AGMO: variants seen among roughly 807,000 people sequenced by gnomAD.
The protein encoded by AGMO is alkylglycerol monooxygenase, also known as glyceryl-ether monooxygenase.
A neutral mutation model predicts 60.2 loss-of-function variants in AGMO; 75 were observed. That is an observed-to-expected ratio of 1.25 (90% CI 1.03 to 1.51). AGMO has a LOEUF of 1.51. Among genes scored for constraint, AGMO ranks in the 40% most tolerant of loss-of-function variants. The pLI, the probability that AGMO is intolerant of heterozygous loss-of-function variation, is 0.00. For missense variants in AGMO, 763 were observed against 525.5 expected (o/e 1.45, Z -4.42); for synonymous variants, 261 against 177.1 (o/e 1.47, Z -3.76).
At chr7:15,521,130 C>G (rs1377369779) in intron 3 of AGMO, among the ~76,000 whole-genome samples, 1 of 152,130 alleles carries the variant, frequency 6.6e-6, no homozygotes, top group Non-Finnish European at 1.5e-5. Flanking sequence ...CATACACCCT[C>G]CCAAGACTAA....
intron 3 of AGMO, among the ~76,000 whole-genome samples, chr7:15,435,032 T>C (rs1781361825): frequency 6.6e-6 from 1 of 152,090 alleles, no homozygotes; most frequent in Admixed American, 6.6e-5. Flanking sequence ...ATTTTGCTGT[T>C]TTTATGAGTA....
chr7:15,390,335 C>A (rs571201105), intron 8 of AGMO, among the ~76,000 whole-genome samples: 2 of 152,096 alleles, frequency 1.3e-5, no homozygotes, highest in South Asian at 4.1e-4. Flanking sequence ...TTTCTTACTG[C>A]GGGATCAGCC....
intron 12 of AGMO, among the ~76,000 whole-genome samples, chr7:15,282,959 G>T (rs1366597422): frequency 6.6e-6 from 1 of 152,186 alleles, no homozygotes; most frequent in African/African-American, 2.4e-5. Flanking sequence ...TAGAATAACT[G>T]TCAGTTAAGA....
chr7:15,193,427 C>G, the AGMO span, among the ~76,000 whole-genome samples: 1 of 152,174 alleles, frequency 6.6e-6, no homozygotes, highest in African/African-American at 2.4e-5. Context: ...GAAATTATGG[C>G]TTTTTAAATT....
intron 12 of AGMO, among the ~76,000 whole-genome samples, chr7:15,217,866 G>T (rs530059568): frequency 6.6e-6 from 1 of 151,806 alleles, no homozygotes; most frequent in African/African-American, 2.4e-5. Flanking sequence ...TTTATTGTTC[G>T]CCATAATTTA....
intron 5 of AGMO, among the ~76,000 whole-genome samples, chr7:15,409,822 A>T (rs1583522277): frequency 6.6e-6 from 1 of 151,922 alleles, no homozygotes; most frequent in South Asian, 2.1e-4. Context: ...GAGTCTGACT[A>T]CTTTGTACAA....
At chr7:15,547,734 G>C (rs897810680) in intron 2 of AGMO, among the ~76,000 whole-genome samples, 3 of 152,004 alleles carry the variant, frequency 2.0e-5, no homozygotes, top group African/African-American at 4.8e-5. Context: ...CAGCGAGGCT[G>C]GGGGAGGGGC....
intron 3 of AGMO, among the ~76,000 whole-genome samples, chr7:15,457,217 A>G (rs1440948790): frequency 6.6e-6 from 1 of 152,168 alleles, no homozygotes; most frequent in Non-Finnish European, 1.5e-5. Flanking sequence ...CTATGCTTCA[A>G]AATCAGTGTT....
chr7:15,187,556 T>G, the AGMO span, among the ~76,000 whole-genome samples: 1 of 152,172 alleles, frequency 6.6e-6, no homozygotes, highest in Non-Finnish European at 1.5e-5. Context: ...TGTCCATATT[T>G]GAAAAGCAAA....
At chr7:15,142,597 A>G in the AGMO span, among the ~76,000 whole-genome samples, 1 of 152,112 alleles carries the variant, frequency 6.6e-6, no homozygotes, top group African/African-American at 2.4e-5. Flanking sequence ...ACTTATCCTC[A>G]TAAGCATGTT....
At chr7:15,548,172 C>G (rs575425919) in intron 2 of AGMO, among the ~76,000 whole-genome samples, 9 of 152,114 alleles carry the variant, frequency 5.9e-5, no homozygotes, top group Non-Finnish European at 1.3e-4. Flanking sequence ...CTGTACATCA[C>G]CGTCATCAAA....
intron 3 of AGMO, among the ~76,000 whole-genome samples, chr7:15,452,105 A>C (rs1562514540): frequency 6.6e-6 from 1 of 152,138 alleles, no homozygotes; most frequent in Non-Finnish European, 1.5e-5. Context: ...TATTTAGATC[A>C]CTTTAACAAG....
At chr7:15,161,408 C>A in the AGMO span, among the ~76,000 whole-genome samples, 1 of 151,446 alleles carries the variant, frequency 6.6e-6, no homozygotes, top group Non-Finnish European at 1.5e-5. Context: ...CTCTCTATCT[C>A]TCTCTCTCTC....
chr7:15,328,046 G>T lies in AGMO; in HGVS notation c.1263+37468C>A, dbSNP rs553403471. 5.9e-5 allele frequency among the ~76,000 whole-genome samples: 9 copies of T among 152,138 alleles called. No individual in the cohort carries two copies. The South Asian group carries it at 1.9e-3, about 32-fold the overall frequency. ...CCCCATCAGCCTCCCAAAGTGCTGG[G>T]ATTGCAGGTATGAGACACTGTGCCT... is the stretch of plus-strand genomic sequence containing the variant. On this transcript the variant is annotated intron_variant, in intron 12 of 12. Transcript: ENST00000342526.
intron 5 of AGMO, among the ~76,000 whole-genome samples, chr7:15,410,947 C>T (rs1780576386): frequency 6.6e-6 from 1 of 151,762 alleles, no homozygotes; most frequent in Non-Finnish European, 1.5e-5. Context: ...TTGAATGTCC[C>T]CTCTGAAACT....
At chr7:15,489,549 A>G (rs959498222) in intron 3 of AGMO, among the ~76,000 whole-genome samples, 2 of 152,176 alleles carry the variant, frequency 1.3e-5, no homozygotes, top group African/African-American at 4.8e-5. Flanking sequence ...AGCTCCCACT[A>G]ACAGGGTCAA....
In AGMO at chr7:15,216,899, G is replaced by A. The variant is rs144283086; in HGVS notation, c.1264-15540C>T. 2.1e-3 allele frequency among the ~76,000 whole-genome samples: 323 copies of A among 151,512 alleles called. 1 individual carries two copies. Among genetic ancestry groups the A allele is most frequent in the African/African-American group, 7.5e-3 (308 of 41,268 alleles). ...ACACATGCCCAATCCCTTTGACAAT[G>A]TTTGGCAATGTGAAATATAGATGTA... is the stretch of plus-strand genomic sequence containing the variant. On this transcript the variant is annotated intron_variant, in intron 12 of 12. Transcript: ENST00000342526.
intron 12 of AGMO, among the ~76,000 whole-genome samples, chr7:15,217,388 G>GCA (rs1386846890): frequency 6.9e-6 from 1 of 144,052 alleles, no homozygotes; most frequent in African/African-American, 2.6e-5. Context: ...TCTCTCACAT[G>GCA]CACACACACA....
chr7:15,414,417 A>G (rs1209497640), intron 5 of AGMO, among the ~76,000 whole-genome samples: 2 of 152,102 alleles, frequency 1.3e-5, no homozygotes, highest in Non-Finnish European at 2.9e-5. Flanking sequence ...TAAGTATTAT[A>G]TTAATTCAAG....
Sources: allele counts gnomAD v4.1 joint callset (sites outside exome capture counted in the v4.1 genomes callset), GRCh38; gene constraint gnomAD v4.1.1; transcripts MANE v1.5; gene names NCBI Gene and HGNC (gene_info 2026-07-23, HGNC 2026-07-21).